The following PTPRD variants were observed in gnomAD, a reference collection of about 807,000 sequenced individuals.
The protein encoded by PTPRD is protein tyrosine phosphatase receptor type D.
In PTPRD, 34 loss-of-function variants were observed where a neutral mutation model predicts 214.5. That is an observed-to-expected ratio of 0.16 (90% CI 0.12 to 0.21). The LOEUF (loss-of-function observed/expected upper bound fraction) is 0.21. Among genes scored for constraint, PTPRD ranks in the 10% least tolerant of loss-of-function variants. PTPRD has a pLI of 1.00. For missense variants in PTPRD, 2,545 were observed against 2,398.7 expected (o/e 1.06, Z -1.27); for synonymous variants, 1,128 against 845.7 (o/e 1.33, Z -5.79).
intron 44 of PTPRD, among the ~76,000 whole-genome samples, chr9:8,325,935 C>T (rs544516290): frequency 6.6e-6 from 1 of 152,034 alleles, no homozygotes; most frequent in South Asian, 2.1e-4. Flanking sequence ...CTGAGACTTT[C>T]CTGAAGTTGC....
At chr9:9,477,741 G>T (rs997227002) in intron 8 of PTPRD, among the ~76,000 whole-genome samples, 1 of 152,072 alleles carries the variant, frequency 6.6e-6, no homozygotes, top group Non-Finnish European at 1.5e-5. Context: ...ATTATATGGT[G>T]CAAGAATGTA....
At position 10,612,945 on chromosome 9, in the gene PTPRD, C is replaced by T. The variant is rs1340107888; in HGVS notation, c.-965G>A. Among the ~76,000 whole-genome samples the T allele has an allele frequency of 5.9e-5, 9 of 151,328 alleles. No homozygotes were observed. The highest frequency in any genetic ancestry group is 5.9e-4 in the Admixed American group (9 of 15,182). On this transcript the variant is annotated 5_prime_UTR_variant, in exon 1 of 46. Transcript: ENST00000381196. ...GCGGCTGGGCGGGGAGCCGAGGCGG[C>T]CGCTCCCGCACTCGCTCGCTCGCTC...
intron 7 of PTPRD, among the ~76,000 whole-genome samples, chr9:9,702,440 TAGACTC>T (rs1276481409): frequency 1.4e-4 from 22 of 152,106 alleles, no homozygotes; most frequent in Admixed American, 1.4e-3. Context: ...AGATGACAAA[TAGACTC>T]AGAAAATCCT....
intron 8 of PTPRD, among the ~76,000 whole-genome samples, chr9:9,435,930 G>A (rs964137064): frequency 1.3e-5 from 2 of 152,120 alleles, no homozygotes; most frequent in Non-Finnish European, 2.9e-5. Context: ...AATAGTGTAT[G>A]TATTAGAAAC....
At chr9:8,482,707 G>C (rs953090857) in intron 30 of PTPRD, among the ~76,000 whole-genome samples, 1 of 152,172 alleles carries the variant, frequency 6.6e-6, no homozygotes. Flanking sequence ...AGAGGATATA[G>C]TTTTCACTTC....
chr9:10,519,632 G>A (rs1354959840), intron 2 of PTPRD, among the ~76,000 whole-genome samples: 2 of 152,074 alleles, frequency 1.3e-5, no homozygotes, highest in African/African-American at 4.8e-5. Flanking sequence ...TGGTAAGTCT[G>A]TATTGAGCAA....
At chr9:8,932,917 A>G (rs1225490968) in intron 11 of PTPRD, among the ~76,000 whole-genome samples, 1 of 152,106 alleles carries the variant, frequency 6.6e-6, no homozygotes, top group Admixed American at 6.5e-5. Flanking sequence ...CCACTGAGGT[A>G]TGAAAAACTC....
chr9:8,990,143 T>C (rs2099360574), intron 11 of PTPRD, among the ~76,000 whole-genome samples: 1 of 152,092 alleles, frequency 6.6e-6, no homozygotes, highest in Admixed American at 6.6e-5. Flanking sequence ...TCCAAGTACT[T>C]CCATGCACAC....
chr9:10,122,428 C>T (rs1246963768), intron 3 of PTPRD, among the ~76,000 whole-genome samples: 1 of 152,022 alleles, frequency 6.6e-6, no homozygotes, highest in Non-Finnish European at 1.5e-5. Context: ...TAGAAATTAA[C>T]AGGTATCAAA....
At chr9:9,021,973 C>T (rs1020782386) in intron 10 of PTPRD, among the ~76,000 whole-genome samples, 4 of 138,108 alleles carry the variant, frequency 2.9e-5, no homozygotes, top group Admixed American at 7.6e-5. Context: ...GGACATGTAG[C>T]GGGGTGGGGG....
intron 10 of PTPRD, among the ~76,000 whole-genome samples, chr9:9,064,055 T>C (rs1159034593): frequency 6.6e-6 from 1 of 152,178 alleles, no homozygotes; most frequent in East Asian, 1.9e-4. Context: ...CTGAGTGCTT[T>C]AATCAGTTTC....
intron 3 of PTPRD, among the ~76,000 whole-genome samples, chr9:10,046,385 C>G (rs1259798977): frequency 6.6e-6 from 1 of 151,722 alleles, no homozygotes; most frequent in East Asian, 1.9e-4. Flanking sequence ...TAAATTATAG[C>G]CACAATATTC....
chr9:9,068,091 C>T (rs1466820600), intron 10 of PTPRD, among the ~76,000 whole-genome samples: 1 of 151,870 alleles, frequency 6.6e-6, no homozygotes, highest in Non-Finnish European at 1.5e-5. Flanking sequence ...AATATTTAAC[C>T]TTTTTTAGAT....
At chr9:10,125,518 A>C (rs1005691581) in intron 3 of PTPRD, among the ~76,000 whole-genome samples, 7 of 149,410 alleles carry the variant, frequency 4.7e-5, no homozygotes, top group Non-Finnish European at 8.9e-5. Context: ...GCAGTGGCGC[A>C]ATCTCGGCTC....
At chr9:9,985,254 A>G (rs915651921) in intron 4 of PTPRD, among the ~76,000 whole-genome samples, 1 of 152,180 alleles carries the variant, frequency 6.6e-6, no homozygotes, top group African/African-American at 2.4e-5. Flanking sequence ...CCCCAGTCCT[A>G]GAGTACCAGA....
At chr9:9,150,559 A>G (rs1165202677) in intron 10 of PTPRD, among the ~76,000 whole-genome samples, 1 of 150,580 alleles carries the variant, frequency 6.6e-6, no homozygotes, top group Non-Finnish European at 1.5e-5. Flanking sequence ...GTGTGATTTC[A>G]GCTCAGCAAA....
intron 9 of PTPRD, among the ~76,000 whole-genome samples, chr9:9,362,637 A>G (rs559358660): frequency 1.1e-4 from 16 of 151,348 alleles, no homozygotes; most frequent in Middle Eastern, 6.8e-3. Context: ...CTTACCCCTA[A>G]GAACAATTTT....
chr9:8,563,964 C>A (rs1247173017), intron 14 of PTPRD, among the ~76,000 whole-genome samples: 1 of 152,176 alleles, frequency 6.6e-6, no homozygotes, highest in African/African-American at 2.4e-5. Flanking sequence ...TTGCAACCGG[C>A]CTCGGCATAC....
chr9:10,521,415 T>C (rs770844762), intron 2 of PTPRD, among the ~76,000 whole-genome samples: 10 of 152,208 alleles, frequency 6.6e-5, no homozygotes, highest in Non-Finnish European at 1.5e-4. Context: ...AGGTGGGATC[T>C]ACTCCTGGTG....
Sources: gnomAD v4.1 joint callset for allele counts (sites outside exome capture counted in the v4.1 genomes callset) on GRCh38, gnomAD v4.1.1 for gene constraint, MANE v1.5 for transcripts, NCBI Gene and HGNC (gene_info 2026-07-23, HGNC 2026-07-21) for gene names.